Variants in LRRC28 observed in about 807,000 individuals in gnomAD.
LRRC28 encodes the protein leucine-rich repeat-containing protein 28.
In LRRC28, 39 loss-of-function variants were observed where a neutral mutation model predicts 45.7. The observed-to-expected ratio is 0.85, with a 90% CI of 0.66 to 1.12. LRRC28 has a LOEUF of 1.12. Ranked by LOEUF, LRRC28 falls within the 50% of genes most tolerant of loss-of-function variation. The pLI is 0.00. For synonymous variants in LRRC28, 206 were observed against 178.8 expected, an observed-to-expected ratio of 1.15 and a Z score of -1.22; for missense variants, 435 against 438.5, an observed-to-expected ratio of 0.99 and a Z score of 0.07.
chr15:99,361,301 T>A (rs773811983), intron 7 of LRRC28, 35 bp from the exon 8 acceptor site: 1 of 1,571,748 alleles, frequency 6.4e-7, no homozygotes, highest in Non-Finnish European at 8.6e-7. Context: ...TTTTCCTTAT[T>A]GCTAATAATA....
intron 6 of LRRC28, chr15:99,338,594 T>C (rs1433643737): frequency 6.6e-6 from 1 of 152,232 alleles, no homozygotes; most frequent in African/African-American, 2.4e-5. Context: ...TGCTGTGATA[T>C]CGCTCCCTAT....
intron 2 of LRRC28, among the ~76,000 whole-genome samples, chr15:99,266,891 C>G (rs1384153018): frequency 6.6e-6 from 1 of 152,080 alleles, no homozygotes; most frequent in African/African-American, 2.4e-5. Flanking sequence ...GACAAATAAA[C>G]TAAGTCATAA....
At chr15:99,253,504 G>A (rs1388076206) in intron 1 of LRRC28, among the ~76,000 whole-genome samples, 2 of 152,218 alleles carry the variant, frequency 1.3e-5, no homozygotes, top group South Asian at 2.1e-4. Context: ...AGTGCTGTTA[G>A]GGGTTTAGTA....
intron 2 of LRRC28, 67 bp downstream of exon 2, chr15:99,256,192 A>T (rs745819202): frequency 8.8e-6 from 12 of 1,357,602 alleles, no homozygotes; most frequent in Non-Finnish European, 1.1e-5. Context: ...ATACATTTAC[A>T]TACCCTAAGG....
intron 6 of LRRC28, among the ~76,000 whole-genome samples, chr15:99,342,252 G>A (rs1342428875): frequency 2.6e-5 from 4 of 152,176 alleles, no homozygotes; most frequent in Non-Finnish European, 5.9e-5. Flanking sequence ...CCTTGGGCAA[G>A]AACCAGCTCT....
At chr15:99,383,788 C>T (rs1341492077) in intron 9 of LRRC28, among the ~76,000 whole-genome samples, 3 of 152,124 alleles carry the variant, frequency 2.0e-5, no homozygotes, top group African/African-American at 4.8e-5. Context: ...GAGCAGGGTC[C>T]GCCACCCTGG....
At position 99,322,874 on chromosome 15, in the gene LRRC28, C is replaced by G. The variant is rs530342464; in HGVS notation, c.386-11049C>G. ...AAGAGCCAAATAAACAGCTAAGTTA[C>G]TATTCAACTTTGTGGAAAGAACCAG... On this transcript the variant is annotated intron_variant, in intron 5 of 9. Transcript: ENST00000301981. Among the ~76,000 whole-genome samples, 3 of 152,326 alleles carry G rather than the reference C, an allele frequency of 2.0e-5. No homozygotes were observed. The South Asian group carries it at 6.2e-4, about 32-fold the overall frequency.
chr15:99,254,416 G>C lies in LRRC28; in HGVS notation c.-60-1482G>C, dbSNP rs140079187. 7.5e-3 allele frequency among the ~76,000 whole-genome samples: 1,146 copies of C among 152,280 alleles called. 17 individuals carry two copies. Among genetic ancestry groups the C allele is most frequent in the African/African-American group, 0.026 (1,075 of 41,552 alleles). Reference sequence around the variant, plus strand: ...AAACTCATGTTTATTGAAAGCTTATGTTGCTGCCTTTTGTACTAATTTGGT... The same window carrying C: ...AAACTCATGTTTATTGAAAGCTTATCTTGCTGCCTTTTGTACTAATTTGGT... On this transcript the variant is annotated intron_variant, in intron 1 of 9. Coordinates refer to ENST00000301981, the MANE Select transcript of LRRC28 (RefSeq NM_144598.5).
intron 7 of LRRC28, among the ~76,000 whole-genome samples, chr15:99,354,828 T>C (rs1020148087): frequency 6.6e-6 from 1 of 152,202 alleles, no homozygotes; most frequent in Non-Finnish European, 1.5e-5. Flanking sequence ...CTGACCTAGA[T>C]GTAGGCTTGG....
intron 9 of LRRC28, among the ~76,000 whole-genome samples, chr15:99,379,493 T>C (rs562793571): frequency 3.9e-5 from 6 of 152,310 alleles, no homozygotes; most frequent in African/African-American, 1.2e-4. Flanking sequence ...AAAAACCAGC[T>C]CCTGGATTGA....
intron 2 of LRRC28, among the ~76,000 whole-genome samples, chr15:99,272,874 T>C (rs888452472): frequency 2.6e-5 from 4 of 152,174 alleles, no homozygotes; most frequent in African/African-American, 4.8e-5. Context: ...AGACTATTGC[T>C]TTTATCAGGA....
intron 5 of LRRC28, among the ~76,000 whole-genome samples, chr15:99,300,309 T>C (rs535056489): frequency 1.4e-4 from 21 of 151,710 alleles, no homozygotes; most frequent in Non-Finnish European, 2.9e-4. Context: ...ATGTTTATAG[T>C]AATGTAAAGT....
chr15:99,317,785 T>C (rs1163645555), intron 5 of LRRC28, among the ~76,000 whole-genome samples: 4 of 152,194 alleles, frequency 2.6e-5, no homozygotes, highest in Non-Finnish European at 5.9e-5. Context: ...GAAAAAAATA[T>C]GACTTATAAA....
Position 99,255,997 on chromosome 15 carries a change from C to T in LRRC28, c.40C>T (p.Leu14=). 6.2e-7 allele frequency: 1 copy of T among 1,612,890 alleles called. No individual in the cohort carries two copies. Among genetic ancestry groups the T allele is most frequent in the Non-Finnish European group, 8.5e-7 (1 of 1,179,950 alleles). The change falls in exon 2 of 10, where the codon CTA becomes TTA. Residue 14 remains leucine, a synonymous_variant. Transcript: ENST00000301981. The part of the protein sequence containing the change: ...ELCKTISVAR[L]EKHKNLFLNY... ...TTGTAAGACGATCTCTGTGGCAAGG[C>T]TAGAAAAGCACAAGAATTTGTTCTT...
intron 3 of LRRC28, chr15:99,286,998 C>T: frequency 3.1e-6 from 1 of 321,694 alleles, no homozygotes; most frequent in Non-Finnish European, 5.7e-6. Flanking sequence ...ATAGTTTATC[C>T]ATTATGTATG....
intron 6 of LRRC28, among the ~76,000 whole-genome samples, chr15:99,335,675 T>A (rs2152296395): frequency 6.6e-6 from 1 of 151,808 alleles, no homozygotes; most frequent in Middle Eastern, 3.4e-3. Context: ...CTCTAAAAAT[T>A]TTTTTTTACC....
At chr15:99,328,512 T>C (rs1480410204) in intron 5 of LRRC28, among the ~76,000 whole-genome samples, 3 of 152,036 alleles carry the variant, frequency 2.0e-5, no homozygotes, top group Non-Finnish European at 4.4e-5. Context: ...GAGTGCCAGG[T>C]TGACAAGGAG....
At chr15:99,304,849 A>C (rs1400395002) in intron 5 of LRRC28, among the ~76,000 whole-genome samples, 1 of 152,198 alleles carries the variant, frequency 6.6e-6, no homozygotes, top group Non-Finnish European at 1.5e-5. Context: ...GACCCTATTC[A>C]GTATAATTTT....
At chr15:99,346,908 T>G (rs1365129542) in intron 6 of LRRC28, among the ~76,000 whole-genome samples, 1 of 152,184 alleles carries the variant, frequency 6.6e-6, no homozygotes, top group East Asian at 1.9e-4. Context: ...TTTAAGTAAA[T>G]TTTATTATGT....
Sources: allele counts gnomAD v4.1 joint callset (sites outside exome capture counted in the v4.1 genomes callset), GRCh38; gene constraint gnomAD v4.1.1; transcripts MANE v1.5; gene names NCBI Gene and HGNC (gene_info 2026-07-23, HGNC 2026-07-21).